The following MSRB3 variants were observed in gnomAD, a reference collection of about 807,000 sequenced individuals.
MSRB3 encodes methionine-R-sulfoxide reductase B3.
A neutral mutation model predicts 21.0 loss-of-function variants in MSRB3; 13 were observed. That is an observed-to-expected ratio of 0.62 (90% CI 0.40 to 0.98). MSRB3 has a LOEUF of 0.98. Ranked by LOEUF, MSRB3 falls within the 50% of genes least tolerant of loss-of-function variation. MSRB3 has a pLI of 0.00. For synonymous variants in MSRB3, 87 were observed against 88.6 expected (o/e 0.98, Z 0.10); for missense variants, 199 against 230.3 (o/e 0.86, Z 0.88).
chr12:65,346,636 TG>T (rs1231303927), intron 4 of MSRB3, among the ~76,000 whole-genome samples: 1 of 152,148 alleles, frequency 6.6e-6, no homozygotes, highest in African/African-American at 2.4e-5. Flanking sequence ...TTGCTTTTGG[TG>T]TTTTAGACAC....
intron 5 of MSRB3, among the ~76,000 whole-genome samples, chr12:65,395,551 A>G (rs931448162): frequency 6.6e-6 from 1 of 152,154 alleles, no homozygotes; most frequent in African/African-American, 2.4e-5. Context: ...TACAAAATCA[A>G]TTGTATTTCT....
intron 5 of MSRB3, among the ~76,000 whole-genome samples, chr12:65,385,213 G>A (rs1237166698): frequency 6.6e-6 from 1 of 152,086 alleles, no homozygotes; most frequent in Non-Finnish European, 1.5e-5. Context: ...GGAGAAGGAG[G>A]AGGATGGATA....
intron 4 of MSRB3, among the ~76,000 whole-genome samples, chr12:65,354,085 C>T (rs544149144): frequency 1.3e-5 from 2 of 151,920 alleles, no homozygotes; most frequent in Non-Finnish European, 2.9e-5. Flanking sequence ...GAGTTTCTGC[C>T]GAGAGATCAG....
At chr12:65,385,102 A>G (rs1443661320) in intron 5 of MSRB3, among the ~76,000 whole-genome samples, 1 of 152,166 alleles carries the variant, frequency 6.6e-6, no homozygotes, top group Admixed American at 6.5e-5. Context: ...TACATAAAAC[A>G]GCAAATAGAA....
chr12:65,348,528 A>C (rs1876691826), intron 4 of MSRB3, among the ~76,000 whole-genome samples: 2 of 152,032 alleles, frequency 1.3e-5, no homozygotes, highest in Admixed American at 1.3e-4. Context: ...TGATCTTTTC[A>C]AAAAACCAGC....
In MSRB3 at chr12:65,416,012, G is replaced by A. The variant is rs185886589; in HGVS notation, c.293-37716G>A. On this transcript the variant is annotated intron_variant, in intron 5 of 6. Transcript: ENST00000308259. ...CTATTTGTGTGTGTGCTTGGGTAAG[G>A]TGGGATCTCCAGGGAGGTGGACAAA... Among the ~76,000 whole-genome samples the A allele has an allele frequency of 1.2e-3, 179 of 152,314 alleles. 1 individual carries two copies. Among genetic ancestry groups the A allele is most frequent in the Non-Finnish European group, 2.2e-3 (150 of 68,026 alleles).
intron 5 of MSRB3, among the ~76,000 whole-genome samples, chr12:65,450,843 T>C (rs1451067243): frequency 6.6e-6 from 1 of 152,206 alleles, no homozygotes; most frequent in African/African-American, 2.4e-5. Context: ...AGTGAAGAGT[T>C]CCTTCTTTAA....
At chr12:65,345,468 T>C (rs1446702362) in intron 4 of MSRB3, among the ~76,000 whole-genome samples, 1 of 152,126 alleles carries the variant, frequency 6.6e-6, no homozygotes, top group Non-Finnish European at 1.5e-5. Flanking sequence ...AATACATATG[T>C]AGCACTTTCA....
chr12:65,332,292 G>GGTGTGTGT (rs369716664), intron 4 of MSRB3, among the ~76,000 whole-genome samples: 10 of 150,140 alleles, frequency 6.7e-5, no homozygotes, highest in Non-Finnish European at 7.4e-5. Flanking sequence ...AAACAATTGA[G>GGTGTGTGT]GTGTGTGTGT....
intron 5 of MSRB3, among the ~76,000 whole-genome samples, chr12:65,420,436 C>T (rs1250816012): frequency 6.6e-6 from 1 of 150,642 alleles, no homozygotes; most frequent in Non-Finnish European, 1.5e-5. Flanking sequence ...TAATATGTCA[C>T]TGGAATTGTT....
chr12:65,446,290 A>C (rs981350710), intron 5 of MSRB3, among the ~76,000 whole-genome samples: 1 of 152,254 alleles, frequency 6.6e-6, no homozygotes, highest in South Asian at 2.1e-4. Context: ...TCTAACTCAG[A>C]TGCCATTGCA....
intron 2 of MSRB3, among the ~76,000 whole-genome samples, chr12:65,310,653 G>A (rs1170380560): frequency 1.3e-5 from 2 of 152,202 alleles, no homozygotes; most frequent in African/African-American, 4.8e-5. Flanking sequence ...AGATATGACA[G>A]TCATGGATTA....
At chr12:65,342,197 A>C (rs1193642424) in intron 4 of MSRB3, among the ~76,000 whole-genome samples, 3 of 150,734 alleles carry the variant, frequency 2.0e-5, no homozygotes, top group Non-Finnish European at 4.4e-5. Context: ...ACCATAGAGT[A>C]TATTATTAAA....
At chr12:65,289,567 G>A (rs1872565160) in intron 1 of MSRB3, among the ~76,000 whole-genome samples, 1 of 152,120 alleles carries the variant, frequency 6.6e-6, no homozygotes, top group Non-Finnish European at 1.5e-5. Flanking sequence ...TTTTTAAATT[G>A]TATTTTAGGT....
chr12:65,461,587 G>A (rs1207800483), intron 6 of MSRB3, among the ~76,000 whole-genome samples: 1 of 152,134 alleles, frequency 6.6e-6, no homozygotes, highest in Admixed American at 6.5e-5. Flanking sequence ...AATAACTAGG[G>A]AATACTTGAG....
chr12:65,400,986 G>T (rs1036486363), intron 5 of MSRB3, among the ~76,000 whole-genome samples: 2 of 152,220 alleles, frequency 1.3e-5, no homozygotes, highest in African/African-American at 4.8e-5. Flanking sequence ...TGTTTGTTAT[G>T]ATTTCTGTTC....
chr12:65,373,412 C>T (rs914642801), intron 5 of MSRB3, among the ~76,000 whole-genome samples: 6 of 151,972 alleles, frequency 3.9e-5, no homozygotes, highest in African/African-American at 1.5e-4. Flanking sequence ...CAGCTTGTAC[C>T]GTAATTCTGT....
chr12:65,396,231 C>A (rs1472526731), intron 5 of MSRB3, among the ~76,000 whole-genome samples: 1 of 152,160 alleles, frequency 6.6e-6, no homozygotes, highest in East Asian at 1.9e-4. Flanking sequence ...TATTTTTAAA[C>A]TTCTCTTGCA....
At chr12:65,362,984 G>A (rs1877799660) in intron 4 of MSRB3, among the ~76,000 whole-genome samples, 1 of 152,112 alleles carries the variant, frequency 6.6e-6, no homozygotes, top group Non-Finnish European at 1.5e-5. Flanking sequence ...ATGTGTTGAA[G>A]GGACAACAGA....
Sources: gnomAD v4.1 joint callset for allele counts (sites outside exome capture counted in the v4.1 genomes callset) on GRCh38, gnomAD v4.1.1 for gene constraint, MANE v1.5 for transcripts, NCBI Gene and HGNC (gene_info 2026-07-23, HGNC 2026-07-21) for gene names.